The following C1QTNF3 variants were observed in gnomAD, a reference collection of about 807,000 sequenced individuals.
C1QTNF3 encodes complement C1q tumor necrosis factor-related protein 3.
C1QTNF3 carries 26 observed loss-of-function variants against 32.6 expected under a neutral mutation model. The observed-to-expected ratio is 0.80, with a 90% CI of 0.58 to 1.11. C1QTNF3 has a LOEUF of 1.11. Ranked by LOEUF, C1QTNF3 falls within the 50% of genes least tolerant of loss-of-function variation. C1QTNF3 has a pLI of 0.00. For synonymous variants in C1QTNF3, 155 were observed against 146.0 expected (o/e 1.06, Z -0.44); for missense variants, 362 against 398.2 (o/e 0.91, Z 0.77).
intron 1 of C1QTNF3, 145 bp downstream of exon 1, chr5:34,042,678 A>C: frequency 1.3e-6 from 1 of 777,562 alleles, no homozygotes; most frequent in Non-Finnish European, 2.1e-6. Context: ...AGCAATCCAG[A>C]AAGAGATTCA....
At chr5:34,158,505 G>A in the C1QTNF3 span, 1 of 152,094 alleles carries the variant, frequency 6.6e-6, no homozygotes, top group African/African-American at 2.4e-5. Flanking sequence ...TGGAATTAGT[G>A]TCTATATTTC....
the C1QTNF3 span, among the ~76,000 whole-genome samples, chr5:34,051,421 T>C: frequency 0.68 from 103,041 of 152,132 alleles, 35,193 homozygotes; most frequent in East Asian, 0.85. Flanking sequence ...AATAACAATA[T>C]CATGATTATC....
At chr5:34,056,448 GTGTGTGTATA>G in the C1QTNF3 span, among the ~76,000 whole-genome samples, 6 of 42,702 alleles carry the variant, frequency 1.4e-4, no homozygotes, top group African/African-American at 5.0e-4. Flanking sequence ...GTGTGTGTGT[GTGTGTGTATA>G]TATATATATA....
At chr5:34,220,900 C>T in the C1QTNF3 span, among the ~76,000 whole-genome samples, 3 of 151,966 alleles carry the variant, frequency 2.0e-5, no homozygotes, top group Admixed American at 2.0e-4. Flanking sequence ...TCAAAATGGC[C>T]GGGCTTTATA....
chr5:34,117,960 G>A, the C1QTNF3 span, among the ~76,000 whole-genome samples: 1 of 151,932 alleles, frequency 6.6e-6, no homozygotes, highest in Non-Finnish European at 1.5e-5. Flanking sequence ...TATGAAAAAA[G>A]AGTAGAAGAA....
At chr5:34,046,059 T>C (rs575372506), upstream of C1QTNF3, among the ~76,000 whole-genome samples, 4 of 152,336 alleles carry the variant, frequency 2.6e-5, no homozygotes, top group Non-Finnish European at 5.9e-5. Flanking sequence ...AGGCAAAACT[T>C]AACTTCAGCA....
At chr5:34,040,617 C>T (rs1754845806) in intron 1 of C1QTNF3, among the ~76,000 whole-genome samples, 1 of 152,076 alleles carries the variant, frequency 6.6e-6, no homozygotes, top group South Asian at 2.1e-4. Flanking sequence ...TATCTGATTA[C>T]CTCACTGTCC....
the C1QTNF3 span, among the ~76,000 whole-genome samples, chr5:34,156,185 C>T: frequency 6.6e-6 from 1 of 152,322 alleles, no homozygotes; most frequent in Admixed American, 6.5e-5. Context: ...ATTCTCCTGC[C>T]TCTGCCTCCC....
At chr5:34,244,172 A>G in the C1QTNF3 span, among the ~76,000 whole-genome samples, 1 of 152,162 alleles carries the variant, frequency 6.6e-6, no homozygotes, top group South Asian at 2.1e-4. Context: ...TAGCATACAA[A>G]AAACCAATTT....
At chr5:34,216,288 C>T in the C1QTNF3 span, among the ~76,000 whole-genome samples, 3 of 152,138 alleles carry the variant, frequency 2.0e-5, no homozygotes, top group Non-Finnish European at 4.4e-5. Context: ...CCTTAATTCT[C>T]CATAGCTAAG....
the C1QTNF3 span, among the ~76,000 whole-genome samples, chr5:34,065,280 C>T: frequency 0.07 from 10,642 of 152,136 alleles, 1,185 homozygotes; most frequent in African/African-American, 0.23. Context: ...AGCCAACAAA[C>T]ATGAAAAAAT....
At chr5:34,032,154 A>G (rs573520260) in intron 3 of C1QTNF3, among the ~76,000 whole-genome samples, 2 of 152,254 alleles carry the variant, frequency 1.3e-5, no homozygotes, top group East Asian at 3.8e-4. Context: ...CTAGTTTTCA[A>G]TGCTGATAGA....
At chr5:34,086,118 AT>A in the C1QTNF3 span, among the ~76,000 whole-genome samples, 1 of 150,640 alleles carries the variant, frequency 6.6e-6, no homozygotes. Flanking sequence ...CATAAAAAAG[AT>A]TGAGTTCATA....
the C1QTNF3 span, among the ~76,000 whole-genome samples, chr5:34,221,981 A>C: frequency 6.6e-5 from 10 of 152,172 alleles, no homozygotes; most frequent in Admixed American, 6.6e-4. Context: ...GATGACATTA[A>C]CAGGAATGAG....
At chr5:34,235,546 CTTTT>C in the C1QTNF3 span, among the ~76,000 whole-genome samples, 24 of 103,922 alleles carry the variant, frequency 2.3e-4, no homozygotes, top group African/African-American at 6.1e-4. Flanking sequence ...ATTTCTTTTT[CTTTT>C]TTTTTTTTTT....
the C1QTNF3 span, among the ~76,000 whole-genome samples, chr5:34,197,646 C>T: frequency 1.3e-5 from 2 of 152,106 alleles, no homozygotes; most frequent in East Asian, 3.9e-4. Flanking sequence ...CGAAGTCTCT[C>T]ATGAGTAAAG....
At chr5:34,070,861 C>T in the C1QTNF3 span, among the ~76,000 whole-genome samples, 1 of 152,084 alleles carries the variant, frequency 6.6e-6, no homozygotes, top group Non-Finnish European at 1.5e-5. Context: ...ATGCGGTATT[C>T]ATTCCAGTAA....
chr5:34,160,663 A>G, the C1QTNF3 span, among the ~76,000 whole-genome samples: 2 of 152,156 alleles, frequency 1.3e-5, no homozygotes, highest in African/African-American at 4.8e-5. Flanking sequence ...GCCAATATTT[A>G]TATTATCCAA....
chr5:34,178,104 T>TAA, the C1QTNF3 span, among the ~76,000 whole-genome samples: 4 of 76,496 alleles, frequency 5.2e-5, no homozygotes, highest in East Asian at 4.2e-4. Flanking sequence ...TCATCTCTAC[T>TAA]AAAAAAAAAA....
Sources: gnomAD v4.1 joint callset for allele counts (sites outside exome capture counted in the v4.1 genomes callset) on GRCh38, gnomAD v4.1.1 for gene constraint, MANE v1.5 for transcripts, NCBI Gene and HGNC (gene_info 2026-07-23, HGNC 2026-07-21) for gene names.